COL4A6: variants seen among roughly 807,000 people sequenced by gnomAD.
COL4A6 encodes collagen type IV alpha 6 chain.
A neutral mutation model predicts 126.7 loss-of-function variants in COL4A6; 59 were observed. The ratio of observed to expected loss-of-function variants is 0.47; its 90% CI spans 0.38 to 0.58. The LOEUF (loss-of-function observed/expected upper bound fraction) is 0.58. Among genes scored for constraint, COL4A6 ranks in the 20% least tolerant of loss-of-function variants. COL4A6 has a pLI of 0.00. For synonymous variants in COL4A6, 547 were observed against 496.6 expected (o/e 1.10, Z -1.35); for missense variants, 1,285 against 1,337.3 (o/e 0.96, Z 0.61).
chrX:108,327,028 T>C (rs2039172069), intron 2 of COL4A6, among the ~76,000 whole-genome samples: 1 of 111,163 alleles, frequency 9.0e-6, no homozygotes, highest in Non-Finnish European at 1.9e-5. Flanking sequence ...GAGAAAATAT[T>C]CGCATATCAC....
At chrX:108,429,379 G>A (rs2064141075) in intron 2 of COL4A6, among the ~76,000 whole-genome samples, 2 of 112,015 alleles carry the variant, frequency 1.8e-5, no homozygotes, top group South Asian at 7.4e-4. Flanking sequence ...GGAGGAATAT[G>A]GATGTGGTTA....
Position 108,179,280 on chromosome X carries a change from C to T in COL4A6, c.2290G>A (p.Gly764Ser). The change falls in exon 26 of 45, where the codon GGC becomes AGC. Residue 764 changes from glycine (G) to serine (S), a missense_variant. By Grantham distance (56) the Gly-to-Ser change is moderately conservative. Coordinates refer to ENST00000334504, the MANE Select transcript of COL4A6 (RefSeq NM_033641.4). ...GAENGAPGEQ[G>S]LQGLTGHKGF... ...TTGTGCCCTGTTAATCCTTGTAGGC[C>T]TTGTTCCCCCGGAGCACCATTTTCA... The T allele has an allele frequency of 4.1e-6, 5 of 1,211,385 alleles. No homozygotes were observed. The highest frequency in any genetic ancestry group is 5.6e-6 in the Non-Finnish European group (5 of 895,475).
intron 2 of COL4A6, among the ~76,000 whole-genome samples, chrX:108,396,964 T>C (rs1321430808): frequency 2.7e-5 from 3 of 111,795 alleles, no homozygotes; most frequent in Non-Finnish European, 5.6e-5. Context: ...TCAAAATTAT[T>C]TCTATTTGTA....
intron 2 of COL4A6, among the ~76,000 whole-genome samples, chrX:108,331,842 G>A (rs762224746): frequency 9.0e-6 from 1 of 111,384 alleles, no homozygotes; most frequent in African/African-American, 3.3e-5. Flanking sequence ...TTTACACAAA[G>A]TCTACTGATT....
chrX:108,320,345 C>T (rs971733500), intron 2 of COL4A6, among the ~76,000 whole-genome samples: 1 of 111,045 alleles, frequency 9.0e-6, no homozygotes, highest in African/African-American at 3.3e-5. Context: ...TGTCCAGCCA[C>T]GTGGATACAT....
chrX:108,247,900 G>T (rs757668103), intron 3 of COL4A6, among the ~76,000 whole-genome samples: 1 of 111,560 alleles, frequency 9.0e-6, no homozygotes, highest in African/African-American at 3.3e-5. Flanking sequence ...GTATAAGAAT[G>T]GGCTTCAGGA....
intron 36 of COL4A6, 66 bp downstream of exon 36, chrX:108,169,879 G>C: frequency 9.7e-7 from 1 of 1,031,806 alleles, no homozygotes; most frequent in Non-Finnish European, 1.3e-6. Context: ...GAGAATTCAT[G>C]GCCAGCCCTT....
chrX:108,278,655 C>T (rs1188344964), intron 3 of COL4A6, among the ~76,000 whole-genome samples: 15 of 108,685 alleles, frequency 1.4e-4, no homozygotes, highest in Non-Finnish European at 2.9e-4. Context: ...CACAAAGATA[C>T]TCCTCGAGAA....
intron 23 of COL4A6, among the ~76,000 whole-genome samples, chrX:108,184,689 A>C (rs896320951): frequency 8.9e-6 from 1 of 112,263 alleles, no homozygotes; most frequent in Non-Finnish European, 1.9e-5. Flanking sequence ...CCAGTCTCAG[A>C]TCTCCTGTTG....
At chrX:108,247,395 A>G (rs1030108259) in intron 3 of COL4A6, among the ~76,000 whole-genome samples, 2 of 110,719 alleles carry the variant, frequency 1.8e-5, no homozygotes, top group Non-Finnish European at 3.8e-5. Context: ...TCTTCTCATA[A>G]ACTTTCTACT....
At chrX:108,274,301 A>G (rs1033275810) in intron 3 of COL4A6, among the ~76,000 whole-genome samples, 2 of 111,526 alleles carry the variant, frequency 1.8e-5, no homozygotes, top group Non-Finnish European at 3.8e-5. Context: ...TTCCATGGGA[A>G]AGGCAAGGCA....
At chrX:108,238,034 ATATCTATCTATCTATCTATCTATCTATC>A (rs59088315) in intron 3 of COL4A6, among the ~76,000 whole-genome samples, 2 of 86,502 alleles carry the variant, frequency 2.3e-5, no homozygotes, top group Admixed American at 1.3e-4. Context: ...TCACCTCTCT[ATATCTATCTATCTATCTATCTATCTATC>A]TATCTATCTA....
chrX:108,439,062 T>C (rs950028784), upstream of COL4A6, among the ~76,000 whole-genome samples: 1 of 112,412 alleles, frequency 8.9e-6, no homozygotes, highest in African/African-American at 3.2e-5. Context: ...CCATCAACTC[T>C]ATTTAAATAT....
At chrX:108,407,267 T>C (rs149624339) in intron 2 of COL4A6, among the ~76,000 whole-genome samples, 355 of 112,352 alleles carry the variant, frequency 3.2e-3, no homozygotes, top group Non-Finnish European at 5.4e-3. Context: ...GCTTTCCTTC[T>C]TCAGAGGATA....
At chrX:108,331,955 A>C (rs1472033912) in intron 2 of COL4A6, among the ~76,000 whole-genome samples, 1 of 111,463 alleles carries the variant, frequency 9.0e-6, no homozygotes, top group Non-Finnish European at 1.9e-5. Flanking sequence ...TCACCCAAAC[A>C]GTGTACATTG....
chrX:108,160,692 G>C lies in COL4A6; in HGVS notation c.4334-38C>G, dbSNP rs2033904074. ...GATCATAAAAGGTGAGTGTGGTGCA[G>C]CTAATGACAACATCAGCTACTCACA... On this transcript the variant is annotated intron_variant, in intron 42 of 44. Coordinates refer to ENST00000334504, the MANE Select transcript of COL4A6 (RefSeq NM_033641.4). 7 of 1,116,246 alleles carry C rather than the reference G, an allele frequency of 6.3e-6. No homozygotes were observed. In the East Asian group the frequency reaches 1.8e-4, roughly 29 times the overall value. The allele number at this position is 1,116,246 out of a possible 1,213,427, so 92.0% of individuals were successfully genotyped here. A position where few individuals can be genotyped will look rare whatever the true frequency, so the allele number is the denominator to read the frequency against.
chrX:108,193,235 A>G (rs557142552), intron 17 of COL4A6, among the ~76,000 whole-genome samples: 3 of 112,288 alleles, frequency 2.7e-5, no homozygotes, highest in East Asian at 2.8e-4. Flanking sequence ...TCCACTTCCT[A>G]TGAAATTGTC....
At chrX:108,378,539 C>G (rs2148126524) in intron 2 of COL4A6, among the ~76,000 whole-genome samples, 1 of 112,305 alleles carries the variant, frequency 8.9e-6, no homozygotes, top group East Asian at 2.8e-4. Flanking sequence ...GTTTTTTCAT[C>G]TTTCTGGGCA....
At chrX:108,365,240 T>C (rs6622318) in intron 2 of COL4A6, among the ~76,000 whole-genome samples, 25,901 of 111,457 alleles carry the variant, frequency 0.23, 2,667 homozygotes, top group East Asian at 0.58. Context: ...TGGTCATATG[T>C]ATTTTTACTA....
Sources: gnomAD v4.1 joint callset for allele counts (sites outside exome capture counted in the v4.1 genomes callset) on GRCh38, gnomAD v4.1.1 for gene constraint, MANE v1.5 for transcripts, NCBI Gene and HGNC (gene_info 2026-07-23, HGNC 2026-07-21) for gene names.